ADGRV1: variants seen among roughly 807,000 people sequenced by gnomAD.
ADGRV1 encodes G-protein coupled receptor 98.
In ADGRV1, 359 loss-of-function variants were observed where a neutral mutation model predicts 596.2. That is an observed-to-expected ratio of 0.60 (90% CI 0.55 to 0.66). The LOEUF (loss-of-function observed/expected upper bound fraction) is 0.66, where lower values mean the gene tolerates loss of function less well. Among genes scored for constraint, ADGRV1 ranks in the 30% least tolerant of loss-of-function variants. The probability of loss-of-function intolerance (pLI) is 0.00; values close to 1 mark genes in which losing one functional copy is unlikely to be tolerated. For missense variants in ADGRV1, 7,274 were observed against 7,575.6 expected (o/e 0.96, Z 1.48); for synonymous variants, 2,681 against 2,679.2 (o/e 1.00, Z -0.02).
At chr5:90,663,447 T>C (rs1466738371) in intron 21 of ADGRV1, among the ~76,000 whole-genome samples, 2 of 150,372 alleles carry the variant, frequency 1.3e-5, no homozygotes, top group Admixed American at 1.3e-4. Context: ...TCGCCCACTT[T>C]TTGATGGGGT....
At chr5:90,743,389 C>T (rs1754207246) in intron 50 of ADGRV1, among the ~76,000 whole-genome samples, 1 of 151,626 alleles carries the variant, frequency 6.6e-6, no homozygotes, top group Admixed American at 6.6e-5. Context: ...TCCGTTGTAA[C>T]CTATGGGCTA....
chr5:91,113,714 C>A (rs544353149), intron 87 of ADGRV1, among the ~76,000 whole-genome samples: 9 of 150,404 alleles, frequency 6.0e-5, no homozygotes, highest in Non-Finnish European at 1.0e-4. Context: ...AGGTCAGGAA[C>A]TCGAGACCAA....
chr5:90,684,553 T>C (rs538798006), intron 28 of ADGRV1, among the ~76,000 whole-genome samples: 1 of 152,048 alleles, frequency 6.6e-6, no homozygotes, highest in Non-Finnish European at 1.5e-5. Context: ...ACAACAGACA[T>C]TTTTCCTCAT....
At chr5:90,735,640 A>G (rs1463551596) in intron 50 of ADGRV1, among the ~76,000 whole-genome samples, 1 of 152,168 alleles carries the variant, frequency 6.6e-6, no homozygotes, top group Non-Finnish European at 1.5e-5. Context: ...CCTTCAATTC[A>G]TGAATATGGG....
chr5:90,892,079 G>A (rs1478362654), intron 83 of ADGRV1, among the ~76,000 whole-genome samples: 1 of 151,950 alleles, frequency 6.6e-6, no homozygotes, highest in Non-Finnish European at 1.5e-5. Flanking sequence ...GTTTCAAGGG[G>A]AAGTGTCATA....
intron 8 of ADGRV1, 181 bp from the exon 9 acceptor site, chr5:90,629,029 A>G (rs1407175540): frequency 3.0e-6 from 2 of 656,972 alleles, no homozygotes. Flanking sequence ...ACAAACTGTG[A>G]TTTAGGAATA....
intron 25 of ADGRV1, among the ~76,000 whole-genome samples, chr5:90,678,009 AG>A (rs1163184476): frequency 6.6e-6 from 1 of 152,214 alleles, no homozygotes; most frequent in African/African-American, 2.4e-5. Flanking sequence ...GTCTTACGCT[AG>A]CCAAAGTATA....
chr5:90,952,574 A>T (rs568896999), intron 83 of ADGRV1, among the ~76,000 whole-genome samples: 1 of 152,282 alleles, frequency 6.6e-6, no homozygotes, highest in African/African-American at 2.4e-5. Flanking sequence ...AGGACATGTA[A>T]TATGATTAAA....
chr5:90,789,949 T>G (rs572086654), intron 69 of ADGRV1, 98 bp downstream of exon 69: 5 of 882,618 alleles, frequency 5.7e-6, no homozygotes, highest in Non-Finnish European at 7.7e-6. Flanking sequence ...TTAAAGTTTT[T>G]GATAAACTAA....
intron 53 of ADGRV1, among the ~76,000 whole-genome samples, chr5:90,751,785 A>C (rs1755285116): frequency 6.6e-6 from 1 of 152,196 alleles, no homozygotes; most frequent in Non-Finnish European, 1.5e-5. Flanking sequence ...GTATTATTTC[A>C]AACGTGATTG....
chr5:90,787,921 C>A (rs1367330555), intron 67 of ADGRV1, 150 bp from the exon 68 acceptor site: 2 of 540,458 alleles, frequency 3.7e-6, no homozygotes, highest in Non-Finnish European at 6.1e-6. Flanking sequence ...CAAAAAAAAA[C>A]AAGTTTATGA....
Position 90,745,058 on chromosome 5 carries a change from T to G in ADGRV1, c.10562T>G (p.Leu3521Arg). ...TPASGIAHIL[L>R]IGQDMSALYC... ...TTCCTTCCTGCAGCCCACATACTTC[T>G]TATTGGCCAAGATATGTCTGCTCTT... The change falls in exon 51 of 90, where the codon CTT becomes CGT. Residue 3521 changes from leucine (L) to arginine (R), a missense_variant. Physicochemically the swap from Leu to Arg is moderately radical, Grantham distance 102. Coordinates refer to ENST00000405460, the MANE Select transcript of ADGRV1 (RefSeq NM_032119.4). 1 of 1,613,592 alleles carries G rather than the reference T, an allele frequency of 6.2e-7. No homozygotes were observed. Among genetic ancestry groups the G allele is most frequent in the Non-Finnish European group, 8.5e-7 (1 of 1,179,564 alleles).
chr5:91,130,520 C>T (rs1432010479), intron 87 of ADGRV1, among the ~76,000 whole-genome samples: 4 of 43,264 alleles, frequency 9.2e-5, no homozygotes, highest in Non-Finnish European at 1.9e-4. Flanking sequence ...GAAACTCCAT[C>T]TCAAAAAAAA....
chr5:90,638,262 C>T (rs1463800380), intron 11 of ADGRV1, among the ~76,000 whole-genome samples: 2 of 151,566 alleles, frequency 1.3e-5, no homozygotes, highest in African/African-American at 4.9e-5. Flanking sequence ...AAATAGGCAC[C>T]AGCAAATCTA....
chr5:90,704,447 AAG>A lies in ADGRV1; in HGVS notation c.8347_8348del (p.Glu2783SerfsTer8), dbSNP rs754413097. The A allele has an allele frequency of 6.3e-7, 1 of 1,581,160 alleles. No individual in the cohort carries two copies. Among genetic ancestry groups the A allele is most frequent in the Non-Finnish European group, 8.6e-7 (1 of 1,161,740 alleles). On this transcript the variant is annotated frameshift_variant, in exon 36 of 90. Coordinates refer to ENST00000405460, the MANE Select transcript of ADGRV1 (RefSeq NM_032119.4). LOFTEE classifies it high-confidence loss of function. The stretch of plus-strand genomic sequence containing the variant: ...TTGGATGACAACATTCCTGAGGAGA[AAG>A]AAGTATACCAAGTCATTCTGTATGA...
intron 70 of ADGRV1, among the ~76,000 whole-genome samples, chr5:90,802,006 TGAG>T (rs1280011452): frequency 1.3e-5 from 2 of 152,138 alleles, no homozygotes; most frequent in African/African-American, 2.4e-5. Context: ...TAGTATTCAA[TGAG>T]GAGGAGGAAA....
rs567038301 is a variant in ADGRV1 at position 90,937,476 on chromosome 5, G to A, written c.17857-27939G>A. Among the ~76,000 whole-genome samples, 86 of 64,880 alleles carry A rather than the reference G, an allele frequency of 1.3e-3. 1 individual carries two copies. Among genetic ancestry groups the A allele is most frequent in the African/African-American group, 4.8e-3 (83 of 17,412 alleles). The allele number at this position is 64,880 out of a possible 152,430, so 42.6% of individuals were successfully genotyped here. On this transcript the variant is annotated intron_variant, in intron 83 of 89. Transcript: ENST00000405460. The stretch of plus-strand genomic sequence containing the variant: ...TGTATTTTTTTTTTTTTTTTTTTTT[G>A]AGACGGAGTCTAGCTCTGTCGCCCA...
chr5:90,988,013 C>T (rs1780637568), intron 85 of ADGRV1, among the ~76,000 whole-genome samples: 2 of 152,098 alleles, frequency 1.3e-5, no homozygotes, highest in African/African-American at 2.4e-5. Flanking sequence ...AGCATCTTTC[C>T]TCATCCTGGA....
At chr5:91,009,029 G>T (rs1298944641) in intron 85 of ADGRV1, among the ~76,000 whole-genome samples, 1 of 152,118 alleles carries the variant, frequency 6.6e-6, no homozygotes, top group African/African-American at 2.4e-5. Flanking sequence ...AATTGATACT[G>T]ATGTTATCCT....
Sources: allele counts gnomAD v4.1 joint callset (sites outside exome capture counted in the v4.1 genomes callset), GRCh38; gene constraint gnomAD v4.1.1; transcripts MANE v1.5; gene names NCBI Gene and HGNC (gene_info 2026-07-23, HGNC 2026-07-21).